The following CAPN14 variants were observed in gnomAD, a reference collection of about 807,000 sequenced individuals.
The protein encoded by CAPN14 is calpain 14.
A neutral mutation model predicts 101.3 loss-of-function variants in CAPN14; 94 were observed. The observed-to-expected ratio is 0.93, with a 90% CI of 0.79 to 1.10. The LOEUF (loss-of-function observed/expected upper bound fraction) is 1.10, where lower values mean the gene tolerates loss of function less well. CAPN14 is among the 50% of genes least tolerant of loss of function. The pLI is 0.00. For synonymous variants in CAPN14, 338 were observed against 317.9 expected, an observed-to-expected ratio of 1.06 and a Z score of -0.67; for missense variants, 837 against 828.4, an observed-to-expected ratio of 1.01 and a Z score of -0.13.
Position 31,224,193 on chromosome 2 carries a change from G to A in CAPN14, c.-53+2335C>T, listed in dbSNP as rs530454881. 2.1e-4 allele frequency among the ~76,000 whole-genome samples: 32 copies of A among 152,214 alleles called. 1 individual carries two copies. In the South Asian group the frequency reaches 6.2e-3, roughly 30 times the overall value. ...CCTCAAACTGACTGCTTGCTCCTGA[G>A]ACTCTTCTACGGTCTCAGCTTCCAT... is the stretch of plus-strand genomic sequence containing the variant. On this transcript the variant is annotated intron_variant and NMD_transcript_variant, in intron 2 of 21. Coordinates refer to the CAPN14 transcript ENST00000398824.
At position 31,189,448 on chromosome 2, in the gene CAPN14, CA is replaced by C. The variant is rs2148679672; in HGVS notation, c.1317del (p.Glu440SerfsTer9). 1 of 1,551,592 alleles carries C rather than the reference CA, an allele frequency of 6.4e-7. No individual in the cohort carries two copies. Among genetic ancestry groups the C allele is most frequent in the East Asian group, 2.4e-5 (1 of 40,912 alleles). ...AGAGGAGTGTTTCTCTGGAAGAACT[CA>C]GGGGGCAGTCTCCTCTGGTCATCAT... The part of the protein sequence containing the change: ...KYHDDQRRLP[P>X]EFFQRNTPLS... On this transcript the variant is annotated frameshift_variant, in exon 13 of 22. Coordinates refer to ENST00000403897, the MANE Select transcript of CAPN14 (RefSeq NM_001145122.2). LOFTEE classifies it high-confidence loss of function.
intron 8 of CAPN14, among the ~76,000 whole-genome samples, chr2:31,195,657 T>C (rs1681435955): frequency 6.6e-6 from 1 of 152,156 alleles, no homozygotes; most frequent in Non-Finnish European, 1.5e-5. Context: ...ATTGAATACA[T>C]GGAATCTTTA....
chr2:31,231,325 G>T (rs190923286), intron 1 of CAPN14, among the ~76,000 whole-genome samples: 220 of 152,226 alleles, frequency 1.4e-3, no homozygotes, highest in African/African-American at 5.0e-3. Context: ...ATGTTGTAAA[G>T]AATTCACATG....
At chr2:31,183,521 G>A (rs1011483022) in intron 16 of CAPN14, among the ~76,000 whole-genome samples, 10 of 151,976 alleles carry the variant, frequency 6.6e-5, no homozygotes, top group Non-Finnish European at 1.5e-4. Flanking sequence ...CAAAAAGTGG[G>A]CAAAGGACAT....
chr2:31,198,821 C>T (rs146508655), intron 7 of CAPN14, among the ~76,000 whole-genome samples: 53 of 152,300 alleles, frequency 3.5e-4, no homozygotes, highest in Non-Finnish European at 5.7e-4. Flanking sequence ...ATGCCCTTCT[C>T]GCCCCGTGCA....
intron 1 of CAPN14, among the ~76,000 whole-genome samples, chr2:31,211,740 C>T (rs75567865): frequency 0.04 from 6,004 of 151,844 alleles, 163 homozygotes; most frequent in Non-Finnish European, 0.059. Context: ...TATGAACTAT[C>T]TCTGGATAAT....
chr2:31,228,879 T>C (rs975927606), intron 1 of CAPN14, among the ~76,000 whole-genome samples: 1 of 152,142 alleles, frequency 6.6e-6, no homozygotes, highest in African/African-American at 2.4e-5. Context: ...CTCCATCTAC[T>C]GCAGGTTGTC....
At chr2:31,200,677 T>C (rs1681710945) in intron 5 of CAPN14, 52 bp from the exon 6 acceptor site, 2 of 1,464,852 alleles carry the variant, frequency 1.4e-6, no homozygotes, top group African/African-American at 1.4e-5. Flanking sequence ...TGAGTATTTA[T>C]AATTTTATGT....
chr2:31,175,949 C>G (rs555261284), intron 21 of CAPN14, among the ~76,000 whole-genome samples: 1 of 152,316 alleles, frequency 6.6e-6, no homozygotes, highest in African/African-American at 2.4e-5. Context: ...GGAAGATAAT[C>G]AGTTTCATAC....
upstream of CAPN14, among the ~76,000 whole-genome samples, chr2:31,221,918 C>T (rs1425954730): frequency 6.6e-6 from 1 of 152,186 alleles, no homozygotes; most frequent in African/African-American, 2.4e-5. Flanking sequence ...AATGTAGCAG[C>T]CCCAATTCCT....
intron 12 of CAPN14, among the ~76,000 whole-genome samples, chr2:31,190,958 A>G (rs945512875): frequency 3.9e-5 from 6 of 152,150 alleles, no homozygotes; most frequent in Non-Finnish European, 7.3e-5. Context: ...CATGTCCCCA[A>G]GCCTTTGTCC....
intron 1 of CAPN14, among the ~76,000 whole-genome samples, chr2:31,206,368 G>A (rs1682093994): frequency 6.6e-6 from 1 of 152,148 alleles, no homozygotes; most frequent in Non-Finnish European, 1.5e-5. Context: ...AGGTTGGCGT[G>A]GGCGAGCCGG....
At chr2:31,211,396 A>G (rs1300788039) in intron 1 of CAPN14, among the ~76,000 whole-genome samples, 1 of 152,186 alleles carries the variant, frequency 6.6e-6, no homozygotes, top group Non-Finnish European at 1.5e-5. Context: ...AGGTCAATGA[A>G]TACAAGTTAA....
chr2:31,213,517 CT>C (rs1171062926), intron 1 of CAPN14, among the ~76,000 whole-genome samples: 2 of 152,216 alleles, frequency 1.3e-5, no homozygotes, highest in African/African-American at 2.4e-5. Flanking sequence ...GAGCACTGCT[CT>C]AAAGCACTGT....
chr2:31,206,817 C>T (rs1034326996), intron 1 of CAPN14, among the ~76,000 whole-genome samples: 2 of 152,136 alleles, frequency 1.3e-5, no homozygotes, highest in African/African-American at 4.8e-5. Context: ...TATTAGCCTC[C>T]CCATTTTTCA....
intron 8 of CAPN14, among the ~76,000 whole-genome samples, chr2:31,195,966 G>A (rs1019663909): frequency 1.3e-5 from 2 of 151,996 alleles, no homozygotes; most frequent in Non-Finnish European, 2.9e-5. Flanking sequence ...AGAAACCACC[G>A]TAGAAATGAG....
intron 1 of CAPN14, among the ~76,000 whole-genome samples, chr2:31,215,990 A>G (rs1301805965): frequency 6.6e-6 from 1 of 152,200 alleles, no homozygotes; most frequent in Non-Finnish European, 1.5e-5. Context: ...AAGAATACTC[A>G]CAACAGAAAT....
intron 17 of CAPN14, among the ~76,000 whole-genome samples, chr2:31,180,558 C>T (rs920419134): frequency 6.6e-6 from 1 of 152,032 alleles, no homozygotes; most frequent in African/African-American, 2.4e-5. Flanking sequence ...AACATAGGGC[C>T]CCAAGGCTTT....
At chr2:31,187,459 T>TAC (rs1680953991) in intron 15 of CAPN14, among the ~76,000 whole-genome samples, 1 of 145,258 alleles carries the variant, frequency 6.9e-6, no homozygotes, top group African/African-American at 2.5e-5. Context: ...AACTCTGACA[T>TAC]TCTACTCTGC....
Sources: gnomAD v4.1 joint callset for allele counts (sites outside exome capture counted in the v4.1 genomes callset) on GRCh38, gnomAD v4.1.1 for gene constraint, MANE v1.5 for transcripts, NCBI Gene and HGNC (gene_info 2026-07-23, HGNC 2026-07-21) for gene names.